Variants in PGBD2 observed in about 807,000 individuals in gnomAD.
PGBD2 encodes the protein piggyBac transposable element-derived protein 2.
In PGBD2, 6 loss-of-function variants were observed where a neutral mutation model predicts 8.1. That is an observed-to-expected ratio of 0.74 (90% CI 0.40 to 1.46). The LOEUF (loss-of-function observed/expected upper bound fraction) is 1.46, where lower values mean the gene tolerates loss of function less well. Ranked by LOEUF, PGBD2 falls within the 40% of genes most tolerant of loss-of-function variation. PGBD2 has a pLI of 0.02. For synonymous variants in PGBD2, 318 were observed against 272.2 expected, an observed-to-expected ratio of 1.17 and a Z score of -1.66; for missense variants, 802 against 739.0, an observed-to-expected ratio of 1.09 and a Z score of -0.99.
At chr1:248,912,200 C>G (rs903682509) in intron 1 of PGBD2, among the ~76,000 whole-genome samples, 2 of 152,138 alleles carry the variant, frequency 1.3e-5, no homozygotes, top group Admixed American at 6.5e-5. Context: ...TTTCTGTGAG[C>G]TCTGGATAAA....
At chr1:248,914,104 G>C (rs1662008853) in intron 2 of PGBD2, among the ~76,000 whole-genome samples, 1 of 152,190 alleles carries the variant, frequency 6.6e-6, no homozygotes. Context: ...GTTTACACTC[G>C]ATAGAAAACC....
the PGBD2 span, among the ~76,000 whole-genome samples, chr1:248,883,593 T>C: frequency 1.4e-5 from 2 of 139,320 alleles, no homozygotes; most frequent in Non-Finnish European, 3.1e-5. Flanking sequence ...TCTTTTTTTT[T>C]TTTTTTTTTT....
the PGBD2 span, among the ~76,000 whole-genome samples, chr1:248,898,103 G>A: frequency 3.3e-5 from 5 of 152,320 alleles, no homozygotes; most frequent in South Asian, 1.0e-3. Flanking sequence ...CAGCCCCTTG[G>A]GGGAGGGGCA....
chr1:248,925,615 A>G, the PGBD2 span, among the ~76,000 whole-genome samples: 6 of 151,140 alleles, frequency 4.0e-5, no homozygotes, highest in Admixed American at 2.0e-4. Flanking sequence ...ATTGTAAATA[A>G]GTTCACAGAG....
chr1:248,928,902 C>G, the PGBD2 span, among the ~76,000 whole-genome samples: 1 of 152,208 alleles, frequency 6.6e-6, no homozygotes, highest in East Asian at 1.9e-4. Flanking sequence ...CAAAGCCAGA[C>G]GCATTCCTGA....
the PGBD2 span, among the ~76,000 whole-genome samples, chr1:248,874,144 T>TG: frequency 2.0e-5 from 3 of 152,188 alleles, no homozygotes; most frequent in Non-Finnish European, 2.9e-5. Context: ...AGTCTGCATA[T>TG]TCCCAAATGT....
upstream of PGBD2, among the ~76,000 whole-genome samples, chr1:248,903,515 C>T (rs968416045): frequency 3.3e-5 from 5 of 152,184 alleles, no homozygotes; most frequent in Admixed American, 6.5e-5. Context: ...TGCAGGACAT[C>T]AAATCCTTAA....
At position 248,918,739 on chromosome 1, in the gene PGBD2, G is replaced by A. The variant is rs1418747394; in HGVS notation, c.*376G>A. On this transcript the variant is annotated 3_prime_UTR_variant, in exon 3 of 3. Coordinates refer to ENST00000329291, the MANE Select transcript of PGBD2 (RefSeq NM_170725.3). Reference sequence around the variant, plus strand: ...ATGCCATGGTTTATAATCTAAGATAGGCAATAGTGTATAAATATCATGTAA... The same window carrying A: ...ATGCCATGGTTTATAATCTAAGATAAGCAATAGTGTATAAATATCATGTAA... The A allele has an allele frequency of 6.0e-6, 1 of 167,134 alleles. No individual in the cohort carries two copies. The highest frequency in any genetic ancestry group is 1.5e-5 in the Non-Finnish European group (1 of 68,266). 10.4% of individuals were successfully genotyped at this position (167,134 alleles called of 1,614,324 possible).
intron 1 of PGBD2, among the ~76,000 whole-genome samples, chr1:248,906,984 A>T (rs1392663308): frequency 6.6e-6 from 1 of 152,108 alleles, no homozygotes; most frequent in Admixed American, 6.5e-5. Context: ...TGAGAAAAGA[A>T]ATAAGACACA....
At chr1:248,874,237 G>C in the PGBD2 span, among the ~76,000 whole-genome samples, 5 of 152,172 alleles carry the variant, frequency 3.3e-5, no homozygotes, top group Middle Eastern at 3.4e-3. Context: ...GCTAAATGAC[G>C]CATCATGTCT....
the PGBD2 span, among the ~76,000 whole-genome samples, chr1:248,928,059 T>C: frequency 6.6e-6 from 1 of 151,936 alleles, no homozygotes; most frequent in African/African-American, 2.4e-5. Flanking sequence ...GTTTTTTGTT[T>C]GTTTTTTGTG....
rs919760572 is a variant in PGBD2, at chr1:248,916,841, C to T, written c.257C>T (p.Thr86Ile). 1 of 1,614,106 alleles carries T rather than the reference C, an allele frequency of 6.2e-7. No individual in the cohort carries two copies. The highest frequency in any genetic ancestry group is 8.5e-7 in the Non-Finnish European group (1 of 1,180,018). The change falls in exon 3 of 3, where the codon ACC becomes ATC. Residue 86 changes from threonine (T) to isoleucine (I), a missense_variant. Physicochemically the swap from Thr to Ile is moderately conservative, Grantham distance 89. Coordinates refer to ENST00000329291, the MANE Select transcript of PGBD2 (RefSeq NM_170725.3). ...HASVLCEDSG[T>I]GEDNDDLELQ... ...TCAGTCCTGTGTGAGGACTCTGGCA[C>T]CGGGGAGGATAATGACGACCTGGAG...
rs771905075 is a variant in PGBD2 at position 248,918,017 on chromosome 1, G to A, written c.1433G>A (p.Arg478Gln). 4.3e-6 allele frequency: 7 copies of A among 1,614,046 alleles called. No homozygotes were observed. The African/African-American group carries it at 5.3e-5, about 12-fold the overall frequency. The change falls in exon 3 of 3, where the codon CGA (arginine) becomes CAA (glutamine). Residue 478 changes from arginine to glutamine, a missense_variant. Transcript: ENST00000329291. ...ATTGCCAAGTACAAGGTGAAGATCC[G>A]AGGCATGAAGTGGTACTCAAGCTTT... ...QNIAKYKVKI[R>Q]GMKWYSSFIG...
intron 1 of PGBD2, among the ~76,000 whole-genome samples, chr1:248,907,515 C>G (rs899647650): frequency 2.0e-5 from 3 of 152,130 alleles, no homozygotes; most frequent in Admixed American, 1.3e-4. Context: ...TCTTTCTCTT[C>G]CCACGAGGCT....
Position 248,917,500 on chromosome 1 carries a change from T to TTGGTG in PGBD2, c.921_925dup (p.Phe309CysfsTer20). 6.2e-7 allele frequency: 1 copy of TTGGTG among 1,614,132 alleles called. No individual in the cohort carries two copies. Among genetic ancestry groups the TTGGTG allele is most frequent in the Non-Finnish European group, 8.5e-7 (1 of 1,180,022 alleles). ...GTGTGGGACAACCAGCAGAGGCTAC[T>TTGGTG]TGGTGTGGTTTGAGCCCTCACAGGG... On this transcript the variant is annotated frameshift_variant, in exon 3 of 3. Coordinates refer to ENST00000329291, the MANE Select transcript of PGBD2 (RefSeq NM_170725.3). LOFTEE classifies it low-confidence loss of function (END_TRUNC).
At chr1:248,875,404 T>C in the PGBD2 span, among the ~76,000 whole-genome samples, 1 of 151,560 alleles carries the variant, frequency 6.6e-6, no homozygotes, top group Admixed American at 6.6e-5. Context: ...ATGCCATTAC[T>C]CCATGTCACA....
the PGBD2 span, among the ~76,000 whole-genome samples, chr1:248,874,243 T>C: frequency 1.4e-4 from 21 of 152,346 alleles, no homozygotes; most frequent in African/African-American, 3.4e-4. Context: ...TGACGCATCA[T>C]GTCTTCCCTG....
the PGBD2 span, among the ~76,000 whole-genome samples, chr1:248,891,756 T>G: frequency 6.6e-6 from 1 of 152,154 alleles, no homozygotes; most frequent in Admixed American, 6.5e-5. Context: ...CCCTGAAGGT[T>G]GAGGCTGCAG....
chr1:248,916,822 C>T lies in PGBD2; in HGVS notation c.238C>T (p.Leu80=). 6.2e-7 allele frequency: 1 copy of T among 1,614,142 alleles called. No homozygotes were observed. Among genetic ancestry groups the T allele is most frequent in the Non-Finnish European group, 8.5e-7 (1 of 1,180,020 alleles). The change falls in exon 3 of 3, where the codon CTG becomes TTG. Residue 80 remains leucine, a synonymous_variant. Transcript: ENST00000329291. The stretch of plus-strand genomic sequence containing the variant: ...TGGCAGTGTGCTGCATGCTTCAGTC[C>T]TGTGTGAGGACTCTGGCACCGGGGA... ...LPGSVLHASV[L]CEDSGTGEDN...
Sources: allele counts gnomAD v4.1 joint callset (sites outside exome capture counted in the v4.1 genomes callset), GRCh38; gene constraint gnomAD v4.1.1; transcripts MANE v1.5; gene names NCBI Gene and HGNC (gene_info 2026-07-23, HGNC 2026-07-21).